RSRC1: variants seen among roughly 807,000 people sequenced by gnomAD.
RSRC1 encodes the protein arginine and serine rich coiled-coil 1, also known as serine/Arginine-related protein 53.
Under a neutral mutation model 49.1 loss-of-function variants are expected in RSRC1, and 39 were observed. The ratio of observed to expected loss-of-function variants is 0.79; its 90% CI spans 0.61 to 1.04. RSRC1 has a LOEUF of 1.04. Among genes scored for constraint, RSRC1 ranks in the 50% least tolerant of loss-of-function variants. The pLI is 0.00. For synonymous variants in RSRC1, 143 were observed against 130.8 expected (o/e 1.09, Z -0.63); for missense variants, 388 against 402.4 (o/e 0.96, Z 0.31).
At chr3:158,423,782 G>T (rs1480998811) in intron 6 of RSRC1, among the ~76,000 whole-genome samples, 1 of 151,912 alleles carries the variant, frequency 6.6e-6, no homozygotes, top group Non-Finnish European at 1.5e-5. Flanking sequence ...TCCTTGAAGA[G>T]GTCCTTCACA....
chr3:158,198,260 T>C (rs1278434323), intron 3 of RSRC1, among the ~76,000 whole-genome samples: 1 of 152,206 alleles, frequency 6.6e-6, no homozygotes. Context: ...CTTCTTGGTC[T>C]CTTTTGATTT....
intron 7 of RSRC1, among the ~76,000 whole-genome samples, chr3:158,520,005 G>A (rs1189898347): frequency 6.6e-6 from 1 of 152,054 alleles, no homozygotes; most frequent in Non-Finnish European, 1.5e-5. Context: ...AAAAGTTTCA[G>A]GAATGAAGAA....
At chr3:158,342,026 A>C (rs916706671) in intron 5 of RSRC1, among the ~76,000 whole-genome samples, 1 of 152,188 alleles carries the variant, frequency 6.6e-6, no homozygotes, top group African/African-American at 2.4e-5. Flanking sequence ...TGGAATGGCT[A>C]TATTTACCCA....
At chr3:158,333,460 AAC>A (rs1729679092) in intron 5 of RSRC1, among the ~76,000 whole-genome samples, 2 of 152,228 alleles carry the variant, frequency 1.3e-5, no homozygotes, top group African/African-American at 2.4e-5. Context: ...TATTTTTTGT[AAC>A]ACATTTATAG....
At chr3:158,463,843 G>A (rs1737743165) in intron 7 of RSRC1, among the ~76,000 whole-genome samples, 1 of 152,106 alleles carries the variant, frequency 6.6e-6, no homozygotes, top group Non-Finnish European at 1.5e-5. Context: ...CATTTAGAGT[G>A]CACTTCATGT....
At chr3:158,377,436 C>T (rs1165578410) in intron 6 of RSRC1, among the ~76,000 whole-genome samples, 1 of 151,998 alleles carries the variant, frequency 6.6e-6, no homozygotes, top group African/African-American at 2.4e-5. Context: ...CTTGTGGTAA[C>T]GAGTGAATTC....
In RSRC1 at chr3:158,378,213, A is replaced by G. The variant is rs1247484353; in HGVS notation, c.583+23305A>G. 2.6e-5 allele frequency among the ~76,000 whole-genome samples: 4 copies of G among 152,184 alleles called. No homozygotes were observed. In the East Asian group the frequency reaches 7.7e-4, roughly 29 times the overall value. Reference sequence around the variant, plus strand: ...TGAGATTTTCAATTTTTAATTCATTATAGTGTATTTTTATGTACCTCATTG... The same window carrying G: ...TGAGATTTTCAATTTTTAATTCATTGTAGTGTATTTTTATGTACCTCATTG... On this transcript the variant is annotated intron_variant, in intron 6 of 9. Coordinates refer to ENST00000611884, the MANE Select transcript of RSRC1 (RefSeq NM_001271838.2).
intron 3 of RSRC1, among the ~76,000 whole-genome samples, chr3:158,153,832 T>G (rs1425161506): frequency 1.1e-5 from 1 of 91,370 alleles, no homozygotes. Context: ...TATTGGTATA[T>G]AAAACTTCTC....
intron 6 of RSRC1, among the ~76,000 whole-genome samples, chr3:158,458,021 G>T (rs1307175920): frequency 2.0e-5 from 3 of 152,158 alleles, no homozygotes; most frequent in Non-Finnish European, 4.4e-5. Flanking sequence ...GTGCAAATGG[G>T]TGGGTTTACT....
chr3:158,208,507 G>T (rs187299392), intron 4 of RSRC1, among the ~76,000 whole-genome samples: 2 of 152,190 alleles, frequency 1.3e-5, no homozygotes, highest in Admixed American at 1.3e-4. Flanking sequence ...AGTACTGCAA[G>T]TGTTCACCAC....
chr3:158,387,072 TA>T (rs201412620), intron 6 of RSRC1, among the ~76,000 whole-genome samples: 6 of 150,624 alleles, frequency 4.0e-5, no homozygotes, highest in Admixed American at 3.3e-4. Context: ...ACATTTTCAT[TA>T]AAAAAAAAGT....
chr3:158,414,913 T>G (rs1166763690), intron 6 of RSRC1, among the ~76,000 whole-genome samples: 1 of 152,158 alleles, frequency 6.6e-6, no homozygotes. Flanking sequence ...GTTCGTCATT[T>G]TCTTGTAAGC....
chr3:158,380,381 G>A (rs907920297), intron 6 of RSRC1, among the ~76,000 whole-genome samples: 1 of 152,096 alleles, frequency 6.6e-6, no homozygotes, highest in Non-Finnish European at 1.5e-5. Flanking sequence ...GATTACTTGA[G>A]CCCAGGAGTT....
chr3:158,327,079 CAGTAATGGGA>C (rs1388311690), intron 5 of RSRC1, among the ~76,000 whole-genome samples: 1 of 151,880 alleles, frequency 6.6e-6, no homozygotes, highest in East Asian at 1.9e-4. Flanking sequence ...GGTATATACC[CAGTAATGGGA>C]TATATCATTT....
At chr3:158,345,996 C>T (rs770613899) in intron 5 of RSRC1, among the ~76,000 whole-genome samples, 24 of 152,042 alleles carry the variant, frequency 1.6e-4, no homozygotes, top group Admixed American at 6.5e-4. Flanking sequence ...TTTCAGTGCA[C>T]ACCTTGTACT....
intron 4 of RSRC1, among the ~76,000 whole-genome samples, chr3:158,227,286 T>C (rs1265302410): frequency 1.3e-5 from 2 of 151,940 alleles, no homozygotes; most frequent in Admixed American, 6.6e-5. Context: ...TGGACCTCCT[T>C]GTCCTGCCCT....
intron 6 of RSRC1, among the ~76,000 whole-genome samples, chr3:158,457,770 T>C (rs947833531): frequency 2.9e-4 from 44 of 151,152 alleles, no homozygotes; most frequent in African/African-American, 1.0e-3. Flanking sequence ...TTTTAATATA[T>C]ATATGGGATA....
chr3:158,515,571 T>C (rs1420363413), intron 7 of RSRC1, among the ~76,000 whole-genome samples: 1 of 134,416 alleles, frequency 7.4e-6, no homozygotes, highest in East Asian at 2.0e-4. Flanking sequence ...CTGACAATTA[T>C]GTGTCTTGGA....
chr3:158,173,769 C>T (rs1449852934), intron 3 of RSRC1, among the ~76,000 whole-genome samples: 1 of 151,790 alleles, frequency 6.6e-6, no homozygotes, highest in East Asian at 1.9e-4. Context: ...TAATATTATT[C>T]AACATTAAAA....
Sources: gnomAD v4.1 joint callset for allele counts (sites outside exome capture counted in the v4.1 genomes callset) on GRCh38, gnomAD v4.1.1 for gene constraint, MANE v1.5 for transcripts, NCBI Gene and HGNC (gene_info 2026-07-23, HGNC 2026-07-21) for gene names.